The following ROBO2 variants were observed in gnomAD, a reference collection of about 807,000 sequenced individuals.
ROBO2 encodes roundabout guidance receptor 2, also known as roundabout homolog 2.
ROBO2 carries 53 observed loss-of-function variants against 160.8 expected under a neutral mutation model. That is an observed-to-expected ratio of 0.33 (90% CI 0.26 to 0.41). The LOEUF is 0.41. Ranked by LOEUF, ROBO2 falls within the 10% of genes least tolerant of loss-of-function variation. The pLI, the probability that ROBO2 is intolerant of heterozygous loss-of-function variation, is 1.00. For missense variants in ROBO2, 1,577 were observed against 1,722.4 expected (o/e 0.92, Z 1.49); for synonymous variants, 664 against 611.7 (o/e 1.09, Z -1.26).
chr3:76,652,139 G>C (rs2091282828), intron 2 of ROBO2, among the ~76,000 whole-genome samples: 1 of 152,132 alleles, frequency 6.6e-6, no homozygotes. Flanking sequence ...CTCATTAGGA[G>C]ACCAAAGGCT....
rs1314566381 is a variant in ROBO2, at chr3:77,219,511, A to ATATATC, written c.388+121174_388+121175insATCTAT. On this transcript the variant is annotated intron_variant, in intron 2 of 25. Coordinates refer to ENST00000461745, the Ensembl canonical transcript of ROBO2. The stretch of plus-strand genomic sequence containing the variant: ...TCTGTATATATATATATATATATAT[A>ATATATC]TATCTGTGTGTGTGTATATATATAT... Among the ~76,000 whole-genome samples the ATATATC allele has an allele frequency of 2.9e-3, 409 of 142,264 alleles. 7 individuals carry two copies. The highest frequency in any genetic ancestry group is 3.6e-3 in the Non-Finnish European group (236 of 65,694). The allele number at this position is 142,264 out of a possible 152,430, so 93.3% of individuals were successfully genotyped here.
intron 2 of ROBO2, among the ~76,000 whole-genome samples, chr3:76,851,769 T>TATATATATATA (rs2069415330): frequency 1.4e-4 from 19 of 136,044 alleles, no homozygotes; most frequent in African/African-American, 5.4e-4. Flanking sequence ...AAAAAAATAT[T>TATATATATATA]AACATGTGCT....
intron 2 of ROBO2, among the ~76,000 whole-genome samples, chr3:76,637,688 G>A (rs1274271791): frequency 6.6e-6 from 1 of 152,174 alleles, no homozygotes; most frequent in Non-Finnish European, 1.5e-5. Context: ...AATGCTAGAG[G>A]AGAGCCATTA....
chr3:77,297,024 G>A (rs1580836329), intron 2 of ROBO2, among the ~76,000 whole-genome samples: 1 of 149,422 alleles, frequency 6.7e-6, no homozygotes, highest in Non-Finnish European at 1.5e-5. Context: ...AGTTGTTCAT[G>A]GAGAAACTAA....
At chr3:77,496,921 C>G (rs903855857) in intron 5 of ROBO2, among the ~76,000 whole-genome samples, 1 of 152,026 alleles carries the variant, frequency 6.6e-6, no homozygotes, top group Non-Finnish European at 1.5e-5. Context: ...TAGTCTTAAA[C>G]TCCTGACCTT....
intron 2 of ROBO2, among the ~76,000 whole-genome samples, chr3:77,394,706 G>C (rs537532059): frequency 3.3e-5 from 5 of 152,158 alleles, no homozygotes; most frequent in Admixed American, 3.3e-4. Flanking sequence ...TAAGTAACAG[G>C]AAAGATAACC....
intron 2 of ROBO2, among the ~76,000 whole-genome samples, chr3:76,409,661 A>G (rs2075386372): frequency 1.3e-5 from 2 of 152,090 alleles, no homozygotes; most frequent in African/African-American, 4.8e-5. Flanking sequence ...TGACTTTCAA[A>G]CTAAGCTCTG....
chr3:76,100,868 A>T (rs1304971763), intron 2 of ROBO2, among the ~76,000 whole-genome samples: 1 of 152,224 alleles, frequency 6.6e-6, no homozygotes, highest in African/African-American at 2.4e-5. Flanking sequence ...ACATGGATTT[A>T]TTATGTGCCT....
chr3:77,281,011 A>G (rs913687559), intron 2 of ROBO2, among the ~76,000 whole-genome samples: 1 of 152,218 alleles, frequency 6.6e-6, no homozygotes, highest in African/African-American at 2.4e-5. Flanking sequence ...AAGGAACAGA[A>G]TATGCAAGGG....
intron 2 of ROBO2, among the ~76,000 whole-genome samples, chr3:76,172,772 A>C (rs2107017624): frequency 6.6e-6 from 1 of 152,292 alleles, no homozygotes; most frequent in Middle Eastern, 3.4e-3. Flanking sequence ...TCTGGAAACA[A>C]TTTAAAAAAT....
chr3:77,107,402 AG>A (rs1462935504), intron 2 of ROBO2, among the ~76,000 whole-genome samples: 1 of 152,188 alleles, frequency 6.6e-6, no homozygotes, highest in African/African-American at 2.4e-5. Flanking sequence ...AGTAGAGAAA[AG>A]GCTGTTCTTT....
At chr3:77,605,832 C>A (rs1365514600) in intron 20 of ROBO2, among the ~76,000 whole-genome samples, 1 of 151,990 alleles carries the variant, frequency 6.6e-6, no homozygotes, top group Non-Finnish European at 1.5e-5. Context: ...TGGTGGTGAC[C>A]ACCTAACATT....
intron 1 of ROBO2, among the ~76,000 whole-genome samples, chr3:75,916,973 C>G (rs1368002095): frequency 9.4e-6 from 1 of 106,460 alleles, no homozygotes; most frequent in African/African-American, 3.5e-5. Context: ...AAAATGAGTG[C>G]ATGTTTTCTA....
chr3:77,248,214 C>G (rs2089951931), intron 2 of ROBO2, among the ~76,000 whole-genome samples: 1 of 152,176 alleles, frequency 6.6e-6, no homozygotes, highest in Non-Finnish European at 1.5e-5. Context: ...TTCACCTCCC[C>G]TTTCTGCTGA....
At chr3:76,453,143 G>A (rs1015545103) in intron 2 of ROBO2, among the ~76,000 whole-genome samples, 23 of 152,204 alleles carry the variant, frequency 1.5e-4, no homozygotes, top group South Asian at 1.0e-3. Context: ...CACTCTGATG[G>A]TAGTTTCTTT....
At chr3:75,982,123 A>G (rs2065295960) in intron 2 of ROBO2, among the ~76,000 whole-genome samples, 1 of 151,584 alleles carries the variant, frequency 6.6e-6, no homozygotes, top group South Asian at 2.1e-4. Flanking sequence ...TTATGGCTGC[A>G]TAGTACTCCG....
chr3:76,060,337 A>G (rs543431725), intron 2 of ROBO2, among the ~76,000 whole-genome samples: 2 of 152,258 alleles, frequency 1.3e-5, no homozygotes, highest in Non-Finnish European at 2.9e-5. Flanking sequence ...TATTGTATTA[A>G]TAATCACATG....
exon 9 of ROBO2, chr3:77,558,003 G>A (rs2093184848): frequency 1.2e-6 from 2 of 1,613,082 alleles, no homozygotes; most frequent in South Asian, 2.2e-5. Context: ...AACGCTGGCA[G>A]TGGATGGTAC....
intron 2 of ROBO2, among the ~76,000 whole-genome samples, chr3:76,474,886 C>A (rs968484353): frequency 6.6e-6 from 1 of 152,080 alleles, no homozygotes; most frequent in African/African-American, 2.4e-5. Flanking sequence ...ATGCTGCTCT[C>A]GTCTTCCTCT....
Sources: allele counts gnomAD v4.1 joint callset (sites outside exome capture counted in the v4.1 genomes callset), GRCh38; gene constraint gnomAD v4.1.1; transcripts MANE v1.5; gene names NCBI Gene and HGNC (gene_info 2026-07-23, HGNC 2026-07-21).